PRKAG2: variants seen among roughly 807,000 people sequenced by gnomAD.
PRKAG2 encodes the protein 5'-AMP-activated protein kinase subunit gamma-2.
A neutral mutation model predicts 69.6 loss-of-function variants in PRKAG2; 26 were observed. The observed-to-expected ratio is 0.37, with a 90% CI of 0.27 to 0.52. The LOEUF (loss-of-function observed/expected upper bound fraction) is 0.52, where lower values mean the gene tolerates loss of function less well. PRKAG2 is among the 20% of genes least tolerant of loss of function. The pLI is 0.90. For missense variants in PRKAG2, 557 were observed against 740.0 expected (o/e 0.75, Z 2.87); for synonymous variants, 293 against 285.0 (o/e 1.03, Z -0.28).
In PRKAG2 at chr7:151,789,125, CT is replaced by C. The variant is rs796870564; in HGVS notation, c.115-2585del. Among the ~76,000 whole-genome samples, 36 of 152,186 alleles carry C rather than the reference CT, an allele frequency of 2.4e-4. 1 individual carries two copies. Among genetic ancestry groups the C allele is most frequent in the African/African-American group, 8.7e-4 (36 of 41,514 alleles). On this transcript the variant is annotated intron_variant, in intron 1 of 15. Transcript: ENST00000287878. Reference sequence around the variant, plus strand: ...CTTCTTTTTTTCAAGACTATTTTCCCTATTTAGGGTCCCTTAAGATTCCACA... The same window carrying C: ...CTTCTTTTTTTCAAGACTATTTTCCCATTTAGGGTCCCTTAAGATTCCACA...
intron 5 of PRKAG2, among the ~76,000 whole-genome samples, chr7:151,610,354 G>T (rs2151211287): frequency 6.6e-6 from 1 of 152,044 alleles, no homozygotes; most frequent in East Asian, 1.9e-4. Context: ...GGGCGACAGA[G>T]CGAGTCTTCA....
At chr7:151,803,708 C>G (rs2077956483) in intron 1 of PRKAG2, among the ~76,000 whole-genome samples, 1 of 151,106 alleles carries the variant, frequency 6.6e-6, no homozygotes, top group Non-Finnish European at 1.5e-5. Context: ...TATTATCCAG[C>G]TTGTTTTTTT....
At chr7:151,847,551 C>G (rs1288736295) in intron 1 of PRKAG2, among the ~76,000 whole-genome samples, 1 of 152,190 alleles carries the variant, frequency 6.6e-6, no homozygotes, top group Non-Finnish European at 1.5e-5. Context: ...GAGGCTGTAC[C>G]CCCTGGCCTT....
Position 151,836,545 on chromosome 7 carries a change from G to C in PRKAG2, c.114+39962C>G, listed in dbSNP as rs1490859882. Among the ~76,000 whole-genome samples, 3 of 152,236 alleles carry C rather than the reference G, an allele frequency of 2.0e-5. No individual in the cohort carries two copies. Among genetic ancestry groups the C allele is most frequent in the Non-Finnish European group, 2.9e-5 (2 of 68,044 alleles). On this transcript the variant is annotated intron_variant, in intron 1 of 15. Transcript: ENST00000287878. The surrounding 1 kb of genome is among the most constrained non-coding windows in gnomAD (Gnocchi z 4.1). The stretch of plus-strand genomic sequence containing the variant: ...CCATCGCTGGCTCCTCTGCCTCCAG[G>C]GGATCAGAACTTGCCCCCTTCCCAG...
chr7:151,845,975 G>C (rs1045346313), intron 1 of PRKAG2, among the ~76,000 whole-genome samples: 1 of 152,178 alleles, frequency 6.6e-6, no homozygotes, highest in Non-Finnish European at 1.5e-5. Flanking sequence ...GGGGCTAGCA[G>C]GGTCTGGAGG....
chr7:151,746,062 TTTAA>T (rs2074262443), intron 3 of PRKAG2, among the ~76,000 whole-genome samples: 1 of 134,268 alleles, frequency 7.4e-6, no homozygotes, highest in African/African-American at 3.0e-5. Flanking sequence ...GGGTTTTCTG[TTTAA>T]TTCTCTTTAA....
chr7:151,855,422 T>C (rs868337863), intron 1 of PRKAG2, among the ~76,000 whole-genome samples: 13 of 4,376 alleles, frequency 3.0e-3, no homozygotes, highest in Non-Finnish European at 4.6e-3. Flanking sequence ...ACATACACCA[T>C]GCTCCACACA....
intron 1 of PRKAG2, among the ~76,000 whole-genome samples, chr7:151,800,224 G>A (rs1007750182): frequency 2.6e-5 from 4 of 152,072 alleles, no homozygotes; most frequent in Admixed American, 2.6e-4. Context: ...CAGGTGTGGT[G>A]GCGGGCACCT....
At chr7:151,711,990 C>A (rs893885015) in intron 3 of PRKAG2, among the ~76,000 whole-genome samples, 32 of 152,338 alleles carry the variant, frequency 2.1e-4, no homozygotes, top group African/African-American at 7.5e-4. Context: ...TTCCCAGGCG[C>A]CCCAGGTGGC....
At chr7:151,808,592 T>C (rs7802319) in intron 1 of PRKAG2, among the ~76,000 whole-genome samples, 1 of 105,708 alleles carries the variant, frequency 9.5e-6, no homozygotes, top group Admixed American at 1.0e-4. Flanking sequence ...TGCAGGTTGT[T>C]GGGGGGGCTT....
rs372738203 is a variant in PRKAG2 at position 151,876,783 on chromosome 7, G to GGCC, written c.-166_-164dup. The GGCC allele has an allele frequency of 1.0e-4, 75 of 715,806 alleles. No individual in the cohort carries two copies. Among genetic ancestry groups the GGCC allele is most frequent in the African/African-American group, 1.0e-3 (58 of 55,904 alleles). 44.3% of individuals were successfully genotyped at this position (715,806 alleles called of 1,614,324 possible). A position where few individuals can be genotyped will look rare whatever the true frequency, so the allele number is the denominator to read the frequency against. ...GGGAGGGTGAGCAGGGAACTCGCGC[G>GGCC]GCCGCCGCCGCCGCCGAAGCGCCGA... On this transcript the variant is annotated 5_prime_UTR_variant, in exon 1 of 16. Transcript: ENST00000287878.
intron 3 of PRKAG2, among the ~76,000 whole-genome samples, chr7:151,734,654 A>G (rs1799473591): frequency 6.6e-6 from 1 of 151,992 alleles, no homozygotes. Flanking sequence ...GGCTCAAGGG[A>G]GCCTCCCATC....
chr7:151,700,811 G>C (rs555422535), intron 3 of PRKAG2, among the ~76,000 whole-genome samples: 1 of 152,260 alleles, frequency 6.6e-6, no homozygotes, highest in East Asian at 1.9e-4. Context: ...CCCTCCACAC[G>C]GGGGGAGCCT....
At chr7:151,712,154 C>A (rs1314229136) in intron 3 of PRKAG2, among the ~76,000 whole-genome samples, 1 of 152,238 alleles carries the variant, frequency 6.6e-6, no homozygotes, top group African/African-American at 2.4e-5. Flanking sequence ...CATGACTGGG[C>A]GGCTCAGTGT....
chr7:151,795,448 G>A lies in PRKAG2; in HGVS notation c.115-8907C>T, dbSNP rs530063683. ...GTGGCACTGCGGGCCCCAGCCAGGG[G>A]GCAGGGGAGGGGATGTTATGGGACA... On this transcript the variant is annotated intron_variant, in intron 1 of 15. Coordinates refer to ENST00000287878, the MANE Select transcript of PRKAG2 (RefSeq NM_016203.4). Among the ~76,000 whole-genome samples, 15 of 152,290 alleles carry A rather than the reference G, an allele frequency of 9.8e-5. No individual in the cohort carries two copies. In the South Asian group the frequency reaches 2.1e-3, roughly 21 times the overall value.
rs781267213 is a variant in PRKAG2 at position 151,675,463 on chromosome 7, C to T, written c.641G>A (p.Arg214Lys). ...GTGTGTCGGTGATGCCAGTGGAGGC[C>T]TGGTCGGGCTCTGGAAGGAAGACGG... ...FCPSSFQSPT[R>K]PPLASPTHYA... Residue 214 changes from arginine (R) to lysine (K), a missense_variant, in exon 4 of 16, where the codon AGG becomes AAG. Transcript: ENST00000287878. 6 of 1,614,184 alleles carry T rather than the reference C, an allele frequency of 3.7e-6. No individual in the cohort carries two copies. Among genetic ancestry groups the T allele is most frequent in the Non-Finnish European group, 4.2e-6 (5 of 1,180,042 alleles).
intron 6 of PRKAG2, among the ~76,000 whole-genome samples, chr7:151,580,215 T>A (rs61666170): frequency 0.11 from 16,688 of 152,060 alleles, 1,149 homozygotes; most frequent in East Asian, 0.27. Flanking sequence ...GGTGTGGTGG[T>A]GCGCACCTGT....
chr7:151,640,076 C>T (rs550530209), intron 4 of PRKAG2, among the ~76,000 whole-genome samples: 49 of 152,022 alleles, frequency 3.2e-4, no homozygotes, highest in African/African-American at 9.9e-4. Context: ...TTTGGGAGGA[C>T]GAGGCAGGTG....
At chr7:151,855,821 C>T (rs1031153032) in intron 1 of PRKAG2, among the ~76,000 whole-genome samples, 1 of 152,248 alleles carries the variant, frequency 6.6e-6, no homozygotes, top group African/African-American at 2.4e-5. Flanking sequence ...CCATATGGAC[C>T]TCACAGATGA....
Sources: allele counts gnomAD v4.1 joint callset (sites outside exome capture counted in the v4.1 genomes callset), GRCh38; gene constraint gnomAD v4.1.1; non-coding constraint Gnocchi (gnomAD v3.1); transcripts MANE v1.5; gene names NCBI Gene and HGNC (gene_info 2026-07-23, HGNC 2026-07-21).